The following KIF3A variants were observed in gnomAD, a reference collection of about 807,000 sequenced individuals.
The protein encoded by KIF3A is kinesin-like protein KIF3A.
Under a neutral mutation model 92.6 loss-of-function variants are expected in KIF3A, and 27 were observed. That is an observed-to-expected ratio of 0.29 (90% CI 0.21 to 0.40). The LOEUF (loss-of-function observed/expected upper bound fraction) is 0.40. KIF3A is among the 10% of genes least tolerant of loss of function. The pLI is 1.00. For missense variants in KIF3A, 581 were observed against 872.6 expected (o/e 0.67, Z 4.21); for synonymous variants, 250 against 275.4 (o/e 0.91, Z 0.92).
At chr5:132,728,177 T>A (rs996755448) in intron 2 of KIF3A, among the ~76,000 whole-genome samples, 1 of 152,274 alleles carries the variant, frequency 6.6e-6, no homozygotes, top group Non-Finnish European at 1.5e-5. Context: ...TACTGATCAT[T>A]TGCTATGTGC....
At chr5:132,716,697 A>C in intron 6 of KIF3A, 148 bp downstream of exon 6, 1 of 930,394 alleles carries the variant, frequency 1.1e-6, no homozygotes, top group Non-Finnish European at 1.6e-6. Context: ...TATACATTTG[A>C]AATGTTCCAT....
intron 11 of KIF3A, among the ~76,000 whole-genome samples, chr5:132,704,996 A>G (rs10069772): frequency 0.91 from 137,824 of 151,804 alleles, 62,764 homozygotes; most frequent in African/African-American, 0.98. Flanking sequence ...CCTAAGACAC[A>G]AGACAAATGA....
Position 132,734,196 on chromosome 5 carries a change from T to C in KIF3A, c.280+9A>G. ...AAGGGAGTTTTTTAAAAAGTAAAGA[T>C]TCACTTACCATTGTAGCCTTCAAGT... On this transcript the variant is annotated intron_variant, in intron 2 of 18. Coordinates refer to ENST00000403231, the MANE Select transcript of KIF3A (RefSeq NM_001300791.2). 1 of 1,597,006 alleles carries C rather than the reference T, an allele frequency of 6.3e-7. No individual in the cohort carries two copies. The highest frequency in any genetic ancestry group is 1.1e-5 in the South Asian group (1 of 88,408).
rs1361188805 is a variant in KIF3A, at chr5:132,715,876, C to T, written c.1010G>A (p.Arg337Gln). 1 of 1,607,250 alleles carries T rather than the reference C, an allele frequency of 6.2e-7. No individual in the cohort carries two copies. The part of the protein sequence containing the change: ...YNYDETISTL[R>Q]YANRAKNIKN... The stretch of plus-strand genomic sequence containing the variant: ...AATATTCTTAGCACGATTGGCATAC[C>T]GTAATGTACTGATAGTTTCATCATA... The change falls in exon 8 of 19, where the codon CGG (arginine) becomes CAG (glutamine). Residue 337 changes from arginine to glutamine, a missense_variant. Coordinates refer to ENST00000403231, the MANE Select transcript of KIF3A (RefSeq NM_001300791.2).
At chr5:132,726,602 G>C (rs576768372) in intron 2 of KIF3A, 104 bp from the exon 3 acceptor site, 7 of 1,016,950 alleles carry the variant, frequency 6.9e-6, no homozygotes, top group Non-Finnish European at 1.0e-5. Flanking sequence ...TTCTCCCCTG[G>C]ATTCAAAATT....
At chr5:132,714,446 T>TA in intron 8 of KIF3A, among the ~76,000 whole-genome samples, 1 of 152,312 alleles carries the variant, frequency 6.6e-6, no homozygotes, top group East Asian at 1.9e-4. Flanking sequence ...CACAATTTTT[T>TA]AAAAAGGAAT....
intron 16 of KIF3A, 38 bp downstream of exon 16, chr5:132,700,609 C>G: frequency 7.2e-7 from 1 of 1,392,654 alleles, no homozygotes; most frequent in Non-Finnish European, 1.0e-6. Flanking sequence ...AGGAAGTACT[C>G]TTTAATTATT....
At position 132,734,489 on chromosome 5, in the gene KIF3A, T is replaced by C. The variant is rs780982073; in HGVS notation, c.7-11A>G. On this transcript the variant is annotated splice_polypyrimidine_tract_variant and intron_variant, in intron 1 of 18. Transcript: ENST00000403231. ...CTCTGATTTATTGATCTGTTGGAGA[T>C]AATATTTACAAATAATGAAAAGAAC... 3.2e-5 allele frequency: 51 copies of C among 1,583,108 alleles called. No individual in the cohort carries two copies. Among genetic ancestry groups the C allele is most frequent in the Non-Finnish European group, 3.9e-5 (46 of 1,168,902 alleles).
chr5:132,721,266 A>G (rs1753813996), intron 4 of KIF3A: 1 of 152,314 alleles, frequency 6.6e-6, no homozygotes, highest in Non-Finnish European at 1.5e-5. Context: ...TGAGGGAAAT[A>G]ATCAGATCTA....
intron 11 of KIF3A, among the ~76,000 whole-genome samples, chr5:132,705,717 A>G (rs1450055263): frequency 2.6e-5 from 4 of 152,018 alleles, no homozygotes; most frequent in Admixed American, 6.5e-5. Flanking sequence ...TTTAAGTAAC[A>G]TATTACTTTA....
Position 132,696,578 on chromosome 5 carries a change from T to A in KIF3A, c.*56A>T. On this transcript the variant is annotated 3_prime_UTR_variant, in exon 19 of 19. Transcript: ENST00000403231. ...AGTCTTCACTGTTTTAATTAAAGAT[T>A]TTGTCCAGGCATGAGAATATCACTA... is the stretch of plus-strand genomic sequence containing the variant. 1 of 1,034,788 alleles carries A rather than the reference T, an allele frequency of 9.7e-7. No individual in the cohort carries two copies. Among genetic ancestry groups the A allele is most frequent in the Admixed American group, 1.9e-5 (1 of 53,060 alleles). 64.1% of individuals were successfully genotyped at this position (1,034,788 alleles called of 1,614,324 possible).
Position 132,695,704 on chromosome 5 carries a change from G to C in KIF3A, c.*930C>G, listed in dbSNP as rs1752811700. ...TGTTTTAAAGGCAAAGTATTTAAAA[G>C]ATATTTTTCTTGCTTAGCTGTATTT... On this transcript the variant is annotated 3_prime_UTR_variant, in exon 19 of 19. Transcript: ENST00000403231. The C allele has an allele frequency of 6.6e-6, 1 of 152,164 alleles. No homozygotes were observed. Among genetic ancestry groups the C allele is most frequent in the Non-Finnish European group, 1.5e-5 (1 of 67,998 alleles). 9.4% of individuals were successfully genotyped at this position (152,164 alleles called of 1,614,324 possible).
At chr5:132,701,430 T>C (rs1581064622) in intron 15 of KIF3A, among the ~76,000 whole-genome samples, 1 of 137,806 alleles carries the variant, frequency 7.3e-6, no homozygotes, top group African/African-American at 2.8e-5. Flanking sequence ...ACCCGGGAAG[T>C]GAAGGTTGCA....
intron 13 of KIF3A, 61 bp from the exon 14 acceptor site, chr5:132,702,729 T>C (rs1359970153): frequency 1.5e-6 from 2 of 1,369,642 alleles, no homozygotes; most frequent in Non-Finnish European, 2.1e-6. Context: ...TATCTAATTC[T>C]TTAACAAATG....
chr5:132,704,340 T>G (rs778158488), intron 11 of KIF3A, among the ~76,000 whole-genome samples: 1 of 151,882 alleles, frequency 6.6e-6, no homozygotes, highest in African/African-American at 2.4e-5. Flanking sequence ...TAGCTTGTTA[T>G]TATGTCAAAC....
chr5:132,727,247 T>A (rs1049267608), intron 2 of KIF3A, among the ~76,000 whole-genome samples: 1 of 152,220 alleles, frequency 6.6e-6, no homozygotes, highest in Non-Finnish European at 1.5e-5. Context: ...GAGTTTGGCA[T>A]TGTGCTAGGC....
chr5:132,702,583 G>A lies in KIF3A; in HGVS notation c.1733C>T (p.Thr578Ile). Residue 578 changes from threonine (T) to isoleucine (I), a missense_variant, in exon 14 of 19, where the codon ACT (threonine) becomes ATT (isoleucine). Around this residue, in one of 5 missense-constraint regions of KIF3A, gnomAD observed 45 missense variants for 115.8 expected, o/e 0.39. Transcript: ENST00000403231. ...CTCTGACTTTGCAGCCATCAGCATA[G>A]TCCAAACTTTCTTTAACTTCTTGGT... ...GKTKKLKKVW[T>I]MLMAAKSEMA... 1 of 1,612,004 alleles carries A rather than the reference G, an allele frequency of 6.2e-7. No individual in the cohort carries two copies. Among genetic ancestry groups the A allele is most frequent in the Non-Finnish European group, 8.5e-7 (1 of 1,178,816 alleles).
At chr5:132,705,075 A>G (rs1040107596) in intron 11 of KIF3A, among the ~76,000 whole-genome samples, 2 of 151,950 alleles carry the variant, frequency 1.3e-5, no homozygotes, top group African/African-American at 4.8e-5. Context: ...TTGCATTCCA[A>G]AAGTCAGGAT....
chr5:132,718,484 A>G (rs1369023199), intron 5 of KIF3A, among the ~76,000 whole-genome samples: 1 of 151,624 alleles, frequency 6.6e-6, no homozygotes, highest in Non-Finnish European at 1.5e-5. Flanking sequence ...TAATTTTTGT[A>G]TTTTTAGCAG....
Sources: gnomAD v4.1 joint callset for allele counts (sites outside exome capture counted in the v4.1 genomes callset) on GRCh38, gnomAD v4.1.1 for gene constraint, gnomAD v4.1.1 regional missense constraint, MANE v1.5 for transcripts, NCBI Gene and HGNC (gene_info 2026-07-23, HGNC 2026-07-21) for gene names.